SLC35H1: variants seen among roughly 807,000 people sequenced by gnomAD.
SLC35H1 encodes ovarian cancer-overexpressed gene 1 protein.
At chr20:46,355,945 G>A in the SLC35H1 span, 1 of 1,599,618 alleles carries the variant, frequency 6.3e-7, no homozygotes, top group Non-Finnish European at 8.5e-7. The surrounding 1 kb of genome is among the most constrained non-coding windows in gnomAD (Gnocchi z 4.8). Context: ...AAAGGAGCAG[G>A]AGCACAAATC....
chr20:46,356,763 T>C, the SLC35H1 span: 3 of 822,808 alleles, frequency 3.6e-6, no homozygotes, highest in Non-Finnish European at 5.9e-6. Flanking sequence ...GTGGGGCCCT[T>C]GGGCCTTCTT....
the SLC35H1 span, chr20:46,352,237 C>CAGGG: frequency 6.2e-7 from 1 of 1,613,670 alleles, no homozygotes. Flanking sequence ...CTGAAAGCAA[C>CAGGG]AGGGAGAGAG....
chr20:46,358,750 G>T, the SLC35H1 span: 1 of 1,537,222 alleles, frequency 6.5e-7, no homozygotes, highest in Admixed American at 2.0e-5. Flanking sequence ...AGCGCTCACA[G>T]GTCCCAAGGT....
At chr20:46,352,475 G>C in the SLC35H1 span, 6 of 481,440 alleles carry the variant, frequency 1.2e-5, no homozygotes, top group South Asian at 2.6e-5. Flanking sequence ...GATCCTAGCA[G>C]GATGATGCGG....
the SLC35H1 span, chr20:46,346,199 G>C: frequency 3.8e-5 from 5 of 130,054 alleles, no homozygotes; most frequent in Non-Finnish European, 8.7e-5. Flanking sequence ...GTGGGACTGG[G>C]AGATGCTGGC....
At chr20:46,352,520 T>C in the SLC35H1 span, 2 of 333,044 alleles carry the variant, frequency 6.0e-6, no homozygotes, top group African/African-American at 2.1e-5. Flanking sequence ...AGCGGGATGA[T>C]GGGGATCCTA....
chr20:46,352,591 G>A, the SLC35H1 span: 19 of 205,158 alleles, frequency 9.3e-5, no homozygotes, highest in East Asian at 1.0e-3. Context: ...GGATCCTAGC[G>A]GGATGATGAT....
the SLC35H1 span, among the ~76,000 whole-genome samples, chr20:46,359,669 T>C: frequency 6.6e-6 from 1 of 152,088 alleles, no homozygotes; most frequent in Non-Finnish European, 1.5e-5. Context: ...CCCTGATGAG[T>C]GCCCGGAGCA....
the SLC35H1 span, chr20:46,350,737 C>T: frequency 9.3e-6 from 15 of 1,611,846 alleles, no homozygotes; most frequent in Middle Eastern, 3.3e-4. Context: ...AAAACAGAGG[C>T]TTCTGGAAGG....
the SLC35H1 span, among the ~76,000 whole-genome samples, chr20:46,361,543 G>A: frequency 5.3e-5 from 8 of 152,094 alleles, no homozygotes; most frequent in African/African-American, 1.2e-4. Context: ...TTTCCTCTAC[G>A]CCAGGGTTTC....
chr20:46,360,550 TA>T, the SLC35H1 span, among the ~76,000 whole-genome samples: 6,439 of 16,188 alleles, frequency 0.4, 202 homozygotes, highest in Non-Finnish European at 0.45. Context: ...TATTTTATTT[TA>T]TTTTTTTTTT....
At chr20:46,358,823 T>G in the SLC35H1 span, 1 of 1,104,460 alleles carries the variant, frequency 9.1e-7, no homozygotes, top group Non-Finnish European at 1.3e-6. Context: ...CTCGTAGCCA[T>G]GGGTGCCTCT....
At chr20:46,352,172 A>G in the SLC35H1 span, 1 of 1,614,220 alleles carries the variant, frequency 6.2e-7, no homozygotes, top group African/African-American at 1.3e-5. Flanking sequence ...TACCCGCAGG[A>G]GCAGCCCTGT....
the SLC35H1 span, chr20:46,363,988 C>G: frequency 1.3e-5 from 2 of 152,362 alleles, no homozygotes; most frequent in African/African-American, 2.4e-5. Context: ...AATGCCCCAC[C>G]CCTCCCAATC....
At chr20:46,348,331 G>A in the SLC35H1 span, 16,753 of 152,206 alleles carry the variant, frequency 0.11, 1,137 homozygotes, top group Non-Finnish European at 0.15. Context: ...GCTGGGAGGC[G>A]GGCAGTGGGG....
the SLC35H1 span, chr20:46,347,445 G>C: frequency 6.6e-6 from 1 of 152,250 alleles, no homozygotes; most frequent in Admixed American, 6.5e-5. Flanking sequence ...TCCTGGGCTG[G>C]GAGGAAGGCT....
chr20:46,349,469 CG>C, the SLC35H1 span: 1 of 152,244 alleles, frequency 6.6e-6, no homozygotes, highest in Non-Finnish European at 1.5e-5. Flanking sequence ...AACCTCAGCC[CG>C]GCCACTTAAG....
the SLC35H1 span, chr20:46,355,207 G>A: frequency 1.9e-6 from 3 of 1,613,952 alleles, no homozygotes; most frequent in Non-Finnish European, 2.5e-6. This position sits in a 1 kb window ranked among gnomAD's most constrained non-coding sequence, Gnocchi z 4.8. Flanking sequence ...GAGACCCCCG[G>A]CGATGAGGAG....
At chr20:46,349,645 G>A in the SLC35H1 span, 1 of 152,554 alleles carries the variant, frequency 6.6e-6, no homozygotes, top group African/African-American at 2.4e-5. Context: ...GCACAGACAG[G>A]TTAGGTCATT....
Sources: allele counts gnomAD v4.1 joint callset (sites outside exome capture counted in the v4.1 genomes callset), GRCh38; gene constraint gnomAD v4.1.1; non-coding constraint Gnocchi (gnomAD v3.1); transcripts MANE v1.5; gene names NCBI Gene and HGNC (gene_info 2026-07-23, HGNC 2026-07-21).